The following PRH1 variants were observed in gnomAD, a reference collection of about 807,000 sequenced individuals.
PRH1 encodes proline rich protein HaeIII subfamily 1, also known as salivary acidic proline-rich phosphoprotein 1/2.
Under a neutral mutation model 7.9 loss-of-function variants are expected in PRH1, and 7 were observed. The observed-to-expected ratio is 0.89, with a 90% confidence interval of 0.50 to 1.67. The LOEUF (loss-of-function observed/expected upper bound fraction) is 1.67. Among genes scored for constraint, PRH1 ranks in the 40% most tolerant of loss-of-function variants. PRH1 has a pLI of 0.00. For synonymous variants in PRH1, 45 were observed against 80.8 expected (o/e 0.56, Z 2.38); for missense variants, 109 against 223.6 (o/e 0.49, Z 3.27).
intron 2 of PRH1, among the ~76,000 whole-genome samples, chr12:10,972,243 A>G (rs1028330897): frequency 6.6e-6 from 1 of 152,178 alleles, no homozygotes. Context: ...GAACAAACAC[A>G]CCTTAAAAAA....
intron 2 of PRH1, among the ~76,000 whole-genome samples, chr12:10,926,223 C>G (rs1211273499): frequency 3.9e-5 from 6 of 152,136 alleles, no homozygotes; most frequent in Non-Finnish European, 7.3e-5. Context: ...TTAGTTGATA[C>G]AGTGAATACA....
At chr12:10,908,444 G>A (rs774260524) in intron 2 of PRH1, 33 of 1,613,720 alleles carry the variant, frequency 2.0e-5, no homozygotes, top group Admixed American at 5.0e-5. Context: ...TTAACTTAGC[G>A]TTTCCTAGAA....
chr12:11,047,160 T>G lies in PRH1; in HGVS notation c.-266A>C, dbSNP rs370736223. ...TGGCGCCTTCTTGTCACATGTGCCC[T>G]TGGGGCCTTGAGCCAAATGCTGGAG... On this transcript the variant is annotated 5_prime_UTR_variant, in exon 1 of 4. Coordinates refer to the PRH1 transcript ENST00000539853. The G allele has an allele frequency of 2.9e-4, 120 of 420,754 alleles. 1 individual carries two copies. Among genetic ancestry groups the G allele is most frequent in the East Asian group, 2.6e-3 (35 of 13,606 alleles). 26.1% of individuals were successfully genotyped at this position (420,754 alleles called of 1,614,324 possible).
At chr12:11,014,912 C>A (rs1190387313) in intron 1 of PRH1, among the ~76,000 whole-genome samples, 2 of 152,016 alleles carry the variant, frequency 1.3e-5, no homozygotes, top group Non-Finnish European at 2.9e-5. Context: ...AGGTGGCCAT[C>A]AGGTGATGGC....
chr12:10,935,662 T>C (rs1950276380), intron 2 of PRH1, among the ~76,000 whole-genome samples: 1 of 152,196 alleles, frequency 6.6e-6, no homozygotes, highest in African/African-American at 2.4e-5. Context: ...ATCTGTTCTA[T>C]GGCTGTTAAA....
At chr12:11,044,832 C>T (rs892958371) in intron 1 of PRH1, among the ~76,000 whole-genome samples, 4 of 152,052 alleles carry the variant, frequency 2.6e-5, no homozygotes, top group Admixed American at 6.5e-5. Flanking sequence ...TGTGGAGAAA[C>T]GGGAACCATT....
chr12:11,171,541 T>G, upstream of PRH1: 1 of 1,232,118 alleles, frequency 8.1e-7, no homozygotes. Flanking sequence ...ATCCTCAACA[T>G]CCGATTGCAG....
At chr12:11,133,541 A>C (rs1430006496) in intron 1 of PRH1, 1 of 1,614,210 alleles carries the variant, frequency 6.2e-7, no homozygotes. Flanking sequence ...ACATAACAGA[A>C]GAAAGGAGGT....
chr12:10,931,271 C>T, intron 2 of PRH1: 1 of 1,220,500 alleles, frequency 8.2e-7, no homozygotes, highest in Non-Finnish European at 1.1e-6. Context: ...AAGGCAATTC[C>T]AATTTTGAGA....
upstream of PRH1, among the ~76,000 whole-genome samples, chr12:11,051,937 C>A (rs961934849): frequency 1.1e-4 from 10 of 91,306 alleles, no homozygotes; most frequent in Non-Finnish European, 2.4e-4. Context: ...AATAATTCTA[C>A]AATGAGCATT....
At chr12:11,129,375 G>A (rs1946254930) in intron 1 of PRH1, among the ~76,000 whole-genome samples, 1 of 152,294 alleles carries the variant, frequency 6.6e-6, no homozygotes, top group African/African-American at 2.4e-5. Flanking sequence ...TGTAGAGTAA[G>A]GAACATTATT....
intron 1 of PRH1, among the ~76,000 whole-genome samples, chr12:11,129,855 T>C (rs1478746354): frequency 6.6e-6 from 1 of 152,290 alleles, no homozygotes; most frequent in African/African-American, 2.4e-5. Context: ...GTTTAATGTA[T>C]TGATAATATT....
intron 1 of PRH1, among the ~76,000 whole-genome samples, chr12:11,039,370 G>C (rs1942601523): frequency 6.6e-6 from 1 of 152,182 alleles, no homozygotes; most frequent in Non-Finnish European, 1.5e-5. Context: ...CTCTCTTTAT[G>C]GAAAATATGA....
intron 1 of PRH1, among the ~76,000 whole-genome samples, chr12:11,068,205 T>A (rs1280770379): frequency 6.6e-6 from 1 of 150,524 alleles, no homozygotes; most frequent in East Asian, 2.0e-4. Flanking sequence ...TTCCCGTTTA[T>A]CTCCTCCCTC....
upstream of PRH1, among the ~76,000 whole-genome samples, chr12:11,049,497 C>T (rs1161950795): frequency 3.3e-5 from 4 of 119,978 alleles, no homozygotes; most frequent in East Asian, 2.7e-4. Context: ...AAATTCACTC[C>T]TCTTCATACA....
chr12:11,139,740 C>T (rs1405438245), intron 1 of PRH1, among the ~76,000 whole-genome samples: 10 of 152,106 alleles, frequency 6.6e-5, no homozygotes, highest in East Asian at 1.9e-4. Context: ...CTCAGTGATA[C>T]GCATGTGCAT....
At chr12:11,052,971 T>A (rs998155009) in intron 1 of PRH1, among the ~76,000 whole-genome samples, 4 of 146,808 alleles carry the variant, frequency 2.7e-5, no homozygotes, top group Non-Finnish European at 4.6e-5. Context: ...ACGGTAACAA[T>A]TTTCTTCTTT....
intron 1 of PRH1, among the ~76,000 whole-genome samples, chr12:10,993,303 GCTACGTCA>G (rs1940033075): frequency 6.6e-6 from 1 of 152,142 alleles, no homozygotes; most frequent in Admixed American, 6.6e-5. Flanking sequence ...TTATGTCATG[GCTACGTCA>G]CTTCTGTTTT....
At chr12:10,908,856 A>G (rs1565464278) in intron 2 of PRH1, 1 of 1,613,304 alleles carries the variant, frequency 6.2e-7, no homozygotes, top group Non-Finnish European at 8.5e-7. Context: ...ATGCATGTTT[A>G]TTTGTATCAG....
Sources: allele counts gnomAD v4.1 joint callset (sites outside exome capture counted in the v4.1 genomes callset), GRCh38; gene constraint gnomAD v4.1.1; transcripts MANE v1.5; gene names NCBI Gene and HGNC (gene_info 2026-07-23, HGNC 2026-07-21).